CYFIP2: variants seen among roughly 807,000 people sequenced by gnomAD.
CYFIP2 encodes the protein cytoplasmic FMR1-interacting protein 2.
Under a neutral mutation model 158.7 loss-of-function variants are expected in CYFIP2, and 29 were observed. That is an observed-to-expected ratio of 0.18 (90% confidence interval 0.14 to 0.25). The LOEUF (loss-of-function observed/expected upper bound fraction) is 0.25. Among genes scored for constraint, CYFIP2 ranks in the 10% least tolerant of loss-of-function variants. The pLI is 1.00. For synonymous variants in CYFIP2, 585 were observed against 617.6 expected, an observed-to-expected ratio of 0.95 and a Z score of 0.78; for missense variants, 852 against 1,639.5, an observed-to-expected ratio of 0.52 and a Z score of 8.29.
chr5:157,393,020 C>T lies in CYFIP2; in HGVS notation c.*20C>T, dbSNP rs779422038. 6.2e-7 allele frequency: 1 copy of T among 1,611,152 alleles called. No homozygotes were observed. Among genetic ancestry groups the T allele is most frequent in the Non-Finnish European group, 8.5e-7 (1 of 1,178,380 alleles). On this transcript the variant is annotated 3_prime_UTR_variant, in exon 31 of 31. Transcript: ENST00000620254. ...TGCTAAGCAGAAGATCCTGCAGACC[C>T]TTATCTGGAGGAGGAAGAGAAGCAG...
At chr5:157,309,092 T>G (rs1759488104) in intron 9 of CYFIP2, among the ~76,000 whole-genome samples, 1 of 152,212 alleles carries the variant, frequency 6.6e-6, no homozygotes, top group African/African-American at 2.4e-5. Context: ...AAAAATCACT[T>G]AAGCTGTTTA....
chr5:157,280,355 C>T (rs1241913695), intron 1 of CYFIP2, among the ~76,000 whole-genome samples: 1 of 137,964 alleles, frequency 7.2e-6, no homozygotes, highest in East Asian at 2.2e-4. Flanking sequence ...CACCACCACG[C>T]CTGGCTAATT....
chr5:157,392,486 C>G lies in CYFIP2; in HGVS notation c.3595-347C>G, dbSNP rs145199304. Among the ~76,000 whole-genome samples the G allele has an allele frequency of 9.9e-3, 1,505 of 152,240 alleles. 22 individuals carry two copies. The highest frequency in any genetic ancestry group is 0.034 in the African/African-American group (1,414 of 41,530). On this transcript the variant is annotated intron_variant, in intron 30 of 30. Coordinates refer to ENST00000620254, the MANE Select transcript of CYFIP2 (RefSeq NM_001037333.3). Reference sequence around the variant, plus strand: ...CCTTTTGTTGAAAAGGCTGTTTCCCCCATTGAACAGTCTTGGCACCCTTGT... The same window carrying G: ...CCTTTTGTTGAAAAGGCTGTTTCCCGCATTGAACAGTCTTGGCACCCTTGT...
At position 157,361,853 on chromosome 5, in the gene CYFIP2, A is replaced by AAAAC. The variant is rs61667870; in HGVS notation, c.3039+261_3039+264dup. Among the ~76,000 whole-genome samples, 460 of 152,286 alleles carry AAAAC rather than the reference A, an allele frequency of 3.0e-3. 5 individuals are homozygous for AAAAC. Among genetic ancestry groups the AAAAC allele is most frequent in the East Asian group, 0.026 (137 of 5,174 alleles). ...TGGGGTCCACCTGCCTGGCACAGTA[A>AAAAC]AAACAAACATCCACGCTGAGGTTTA... On this transcript the variant is annotated intron_variant, in intron 26 of 30. Transcript: ENST00000620254. This position sits in a 1 kb window ranked among gnomAD's most constrained non-coding sequence, Gnocchi z 4.4.
intron 8 of CYFIP2, among the ~76,000 whole-genome samples, chr5:157,305,015 T>C (rs922987748): frequency 9.9e-5 from 15 of 151,856 alleles, no homozygotes; most frequent in Non-Finnish European, 1.2e-4. Flanking sequence ...TATTTTGTTT[T>C]TCATTCCTGC....
Position 157,320,800 on chromosome 5 carries a change from C to T in CYFIP2, c.1669C>T (p.Gln557Ter). ...GCGTGCTGTGGGGCCATCCAGCACACAGGTAAGCGGCTCCAGGCACAGGCC... is the reference window on the plus strand; with the variant it reads ...GCGTGCTGTGGGGCCATCCAGCACATAGGTAAGCGGCTCCAGGCACAGGCC... ...PRRAVGPSST[Q>*]LYMVRTMLES... is the part of the protein sequence containing the mutation. The change falls in exon 15 of 31, where the codon CAG (glutamine) becomes TAG (stop). Residue 557 changes from glutamine to a stop codon, truncating the protein, a stop_gained and splice_region_variant. Coordinates refer to ENST00000620254, the MANE Select transcript of CYFIP2 (RefSeq NM_001037333.3). LOFTEE classifies it high-confidence loss of function. 2 of 1,579,882 alleles carry T rather than the reference C, an allele frequency of 1.3e-6. No individual in the cohort carries two copies. Among genetic ancestry groups the T allele is most frequent in the Non-Finnish European group, 8.6e-7 (1 of 1,164,034 alleles).
chr5:157,277,241 G>A (rs1756628742), intron 1 of CYFIP2: 1 of 152,250 alleles, frequency 6.6e-6, no homozygotes, highest in African/African-American at 2.4e-5. Context: ...ATGTTGGCCA[G>A]GCTGGTCTCG....
At chr5:157,267,389 T>C (rs978094036) in intron 1 of CYFIP2, among the ~76,000 whole-genome samples, 3 of 152,324 alleles carry the variant, frequency 2.0e-5, no homozygotes, top group Non-Finnish European at 4.4e-5. Flanking sequence ...GGTCTCACCT[T>C]ACTCTTGGAT....
intron 3 of CYFIP2, among the ~76,000 whole-genome samples, chr5:157,290,260 G>A (rs1757712743): frequency 6.6e-6 from 1 of 152,212 alleles, no homozygotes; most frequent in African/African-American, 2.4e-5. Context: ...GTCTTACTGA[G>A]TTAAAATCAG....
At chr5:157,308,278 C>T (rs1308182032) in intron 9 of CYFIP2, among the ~76,000 whole-genome samples, 1 of 151,856 alleles carries the variant, frequency 6.6e-6, no homozygotes, top group Non-Finnish European at 1.5e-5. Context: ...TGATTAAAGA[C>T]TGGATTTTAA....
At chr5:157,350,227 GTTATC>G (rs1056752137) in intron 23 of CYFIP2, among the ~76,000 whole-genome samples, 6 of 152,148 alleles carry the variant, frequency 3.9e-5, no homozygotes, top group Non-Finnish European at 8.8e-5. Context: ...TTTTTCAGAT[GTTATC>G]TTATAAAATT....
chr5:157,330,978 C>T (rs984555157), intron 20 of CYFIP2, 128 bp downstream of exon 20: 4 of 696,164 alleles, frequency 5.7e-6, no homozygotes, highest in African/African-American at 5.3e-5. Flanking sequence ...GATTTCCGAG[C>T]CTGGGTGTAG....
intron 3 of CYFIP2, among the ~76,000 whole-genome samples, chr5:157,290,271 G>T (rs1757713958): frequency 6.6e-6 from 1 of 152,178 alleles, no homozygotes; most frequent in African/African-American, 2.4e-5. Context: ...TTAAAATCAG[G>T]GTGCCAGCAG....
chr5:157,357,515 G>T (rs1029203075), intron 23 of CYFIP2, among the ~76,000 whole-genome samples: 1 of 152,096 alleles, frequency 6.6e-6, no homozygotes, highest in Non-Finnish European at 1.5e-5. Context: ...TGCAATTCCA[G>T]TTGGGAGAAC....
chr5:157,269,307 A>T (rs1393804959), intron 1 of CYFIP2: 4 of 152,092 alleles, frequency 2.6e-5, no homozygotes, highest in African/African-American at 9.7e-5. Context: ...GAACAAGCCA[A>T]GCAGAAGCCC....
chr5:157,323,383 A>T (rs1215795302), intron 15 of CYFIP2, among the ~76,000 whole-genome samples: 1 of 152,152 alleles, frequency 6.6e-6, no homozygotes, highest in African/African-American at 2.4e-5. Context: ...TTCTGATCTT[A>T]TCCCATTTCT....
At chr5:157,312,102 T>TGA (rs1759773325) in intron 11 of CYFIP2, among the ~76,000 whole-genome samples, 8 of 152,150 alleles carry the variant, frequency 5.3e-5, no homozygotes, top group Non-Finnish European at 1.0e-4. Context: ...CTGGTGATGG[T>TGA]TAGTTCTGCC....
chr5:157,330,026 C>A (rs1320452158), intron 19 of CYFIP2, among the ~76,000 whole-genome samples: 3 of 152,172 alleles, frequency 2.0e-5, no homozygotes, highest in Admixed American at 6.5e-5. Flanking sequence ...TTAAATGTAA[C>A]CAAGCTTGTT....
intron 23 of CYFIP2, among the ~76,000 whole-genome samples, chr5:157,357,561 G>A (rs539207686): frequency 2.0e-5 from 3 of 152,178 alleles, no homozygotes; most frequent in African/African-American, 7.2e-5. Flanking sequence ...GGGTGCAGTG[G>A]CTCATGCCTA....
Sources: gnomAD v4.1 joint callset for allele counts (sites outside exome capture counted in the v4.1 genomes callset) on GRCh38, gnomAD v4.1.1 for gene constraint, Gnocchi (gnomAD v3.1) non-coding constraint, MANE v1.5 for transcripts, NCBI Gene and HGNC (gene_info 2026-07-23, HGNC 2026-07-21) for gene names.